KIF12: variants seen among roughly 807,000 people sequenced by gnomAD.
The protein encoded by KIF12 is kinesin family member 12, also known as kinesin-like protein KIF12.
KIF12 carries 80 observed loss-of-function variants against 87.9 expected under a neutral mutation model. That is an observed-to-expected ratio of 0.91 (90% CI 0.76 to 1.10). The LOEUF (loss-of-function observed/expected upper bound fraction) is 1.10, where lower values mean the gene tolerates loss of function less well. Ranked by LOEUF, KIF12 falls within the 50% of genes least tolerant of loss-of-function variation. The probability of loss-of-function intolerance (pLI) is 0.00; values close to 1 mark genes in which losing one functional copy is unlikely to be tolerated. For synonymous variants in KIF12, 353 were observed against 348.5 expected, an observed-to-expected ratio of 1.01 and a Z score of -0.14; for missense variants, 819 against 865.3, an observed-to-expected ratio of 0.95 and a Z score of 0.67.
rs1273147363 is a variant in KIF12 at position 114,097,442 on chromosome 9, A to G, written c.511-6T>C. 7.6e-6 allele frequency: 12 copies of G among 1,586,378 alleles called. No individual in the cohort carries two copies. Among genetic ancestry groups the G allele is most frequent in the Non-Finnish European group, 1.0e-5 (12 of 1,167,926 alleles). Reference sequence around the variant, plus strand: ...AGGCTCAGCAAGTCCCGAACCTGGGAGGGGAGGGAGGAGGGTGAGGGAAGG... The same window carrying G: ...AGGCTCAGCAAGTCCCGAACCTGGGGGGGGAGGGAGGAGGGTGAGGGAAGG... On this transcript the variant is annotated splice_polypyrimidine_tract_variant and splice_region_variant and intron_variant, in intron 6 of 18. Transcript: ENST00000640217.
At position 114,095,322 on chromosome 9, in the gene KIF12, G is replaced by C; in HGVS notation, c.906C>G (p.Ile302Met). 1 of 1,613,270 alleles carries C rather than the reference G, an allele frequency of 6.2e-7. No individual in the cohort carries two copies. Among genetic ancestry groups the C allele is most frequent in the South Asian group, 1.1e-5 (1 of 91,058 alleles). The change falls in exon 10 of 19, where the codon ATC (isoleucine) becomes ATG (methionine). Residue 302 changes from isoleucine (I) to methionine (M), a missense_variant. Coordinates refer to ENST00000640217, the MANE Select transcript of KIF12 (RefSeq NM_001388308.1). Reference sequence around the variant, plus strand: ...TCCGCTGTGGGTCCAGCAGCAGGGAGATGCAGTGACCTGGGGAGGGAGAGC... The same window carrying C: ...TCCGCTGTGGGTCCAGCAGCAGGGACATGCAGTGACCTGGGGAGGGAGAGC... ...NRSLLALGHCISLLLDPQRKQ... is the reference protein window; with the variant it reads ...NRSLLALGHCMSLLLDPQRKQ...
chr9:114,096,004 GCA>G, intron 9 of KIF12, 45 bp downstream of exon 9: 1 of 1,567,712 alleles, frequency 6.4e-7, no homozygotes, highest in South Asian at 1.2e-5. Flanking sequence ...TGTGAGCCAG[GCA>G]CAGAGGAGAG....
intron 5 of KIF12, 151 bp downstream of exon 5, chr9:114,097,964 C>T (rs1039905519): frequency 1.0e-6 from 1 of 969,340 alleles, no homozygotes. Context: ...AGTCCCTTCT[C>T]TTTGGTCCTC....
Position 114,097,723 on chromosome 9 carries a change from G to T in KIF12, c.394C>A (p.Pro132Thr), listed in dbSNP as rs1239753712. 5 of 1,613,762 alleles carry T rather than the reference G, an allele frequency of 3.1e-6. No homozygotes were observed. In the African/African-American group the frequency reaches 4.0e-5, roughly 13 times the overall value. Residue 132 changes from proline to threonine, a missense_variant, in exon 6 of 19, where the codon CCC (proline) becomes ACC (threonine). By Grantham distance (38) the Pro-to-Thr change is conservative. Transcript: ENST00000640217. ...TGCATGATGCCAGCCAGGCTGGGGG[G>T]TACAGGCACCCCCTCCCCCTAGGGG... Reference protein sequence around the residue: ...PPPQGEGVPVPPSLAGIMQRT... With the variant: ...PPPQGEGVPVTPSLAGIMQRT...
rs777874283 is a variant in KIF12 at position 114,091,642 on chromosome 9, AGCTGAT to A, written c.*213_*218del. On this transcript the variant is annotated 3_prime_UTR_variant, in exon 19 of 19. Coordinates refer to ENST00000640217, the MANE Select transcript of KIF12 (RefSeq NM_001388308.1). ...AGAGGATAGAACCAACCAGACTTGG[AGCTGAT>A]GCCTCTCTTTATTCATGTATTTCAT... 4.6e-4 allele frequency: 229 copies of A among 499,008 alleles called. No homozygotes were observed. Among genetic ancestry groups the A allele is most frequent in the Non-Finnish European group, 7.3e-4 (210 of 285,772 alleles). 30.9% of individuals were successfully genotyped at this position (499,008 alleles called of 1,614,324 possible). A position where few individuals can be genotyped will look rare whatever the true frequency, so the allele number is the denominator to read the frequency against.
chr9:114,092,489 T>C (rs1324922402), intron 17 of KIF12, 38 bp from the exon 18 acceptor site: 1 of 1,613,302 alleles, frequency 6.2e-7, no homozygotes, highest in East Asian at 2.2e-5. Flanking sequence ...AGGTGAGCCT[T>C]TGAGTTCCCC....
At chr9:114,098,840 G>C (rs1847360873) in intron 3 of KIF12, 95 bp downstream of exon 3, 4 of 1,402,694 alleles carry the variant, frequency 2.9e-6, no homozygotes, top group South Asian at 2.6e-5. Context: ...GGACCACTCC[G>C]GGGGAGCGCG....
At chr9:114,095,398 T>G (rs1310204556) in intron 9 of KIF12, 66 bp from the exon 10 acceptor site, 1 of 1,527,880 alleles carries the variant, frequency 6.5e-7, no homozygotes, top group Non-Finnish European at 8.8e-7. Flanking sequence ...GCTGGGATGC[T>G]GCAGAGTTGG....
chr9:114,093,598 G>A (rs1265701155), intron 14 of KIF12, 101 bp from the exon 15 acceptor site: 14 of 991,042 alleles, frequency 1.4e-5, no homozygotes, highest in South Asian at 1.4e-5. Context: ...CCCGTACCAG[G>A]TACCGGGCCC....
Position 114,093,280 on chromosome 9 carries a change from T to G in KIF12, c.1545A>C (p.Arg515=), listed in dbSNP as rs1847070367. The G allele has an allele frequency of 6.4e-7, 1 of 1,560,400 alleles. No homozygotes were observed. Among genetic ancestry groups the G allele is most frequent in the East Asian group, 2.4e-5 (1 of 42,104 alleles). The change falls in exon 16 of 19, where the codon CGA becomes CGC. Residue 515 remains arginine (R), a synonymous_variant. Coordinates refer to ENST00000640217, the MANE Select transcript of KIF12 (RefSeq NM_001388308.1). The part of the protein sequence containing the change: ...CPCCHICPLC[R]VPLAHWACLP... The stretch of plus-strand genomic sequence containing the variant: ...GGCAGGCCCAGTGGGCCAGGGGCAC[T>G]CGACACAGTGGGCAGATGTGGCAGC...
At chr9:114,095,876 G>A (rs1444881086) in intron 9 of KIF12, among the ~76,000 whole-genome samples, 175 bp downstream of exon 9, 4 of 152,288 alleles carry the variant, frequency 2.6e-5, no homozygotes, top group Middle Eastern at 3.4e-3. Context: ...AGTGTTTTAC[G>A]AAGGGAGAAG....
At chr9:114,097,790 C>T (rs1847299541) in intron 5 of KIF12, 49 bp from the exon 6 acceptor site, 13 of 1,576,042 alleles carry the variant, frequency 8.2e-6, no homozygotes, top group African/African-American at 1.4e-5. Flanking sequence ...GTAATAACTA[C>T]CCTCTGTAGC....
Position 114,096,377 on chromosome 9 carries a change from G to C in KIF12, c.738+10C>G, listed in dbSNP as rs781529941. 1.9e-6 allele frequency: 3 copies of C among 1,611,042 alleles called. No homozygotes were observed. In the South Asian group the frequency reaches 3.3e-5, roughly 18 times the overall value. On this transcript the variant is annotated intron_variant, in intron 8 of 18. Coordinates refer to ENST00000640217, the MANE Select transcript of KIF12 (RefSeq NM_001388308.1). Reference sequence around the variant, plus strand: ...CCCGGGTAAGCACCTTCCCAGGCTGGAGCACTCACAGTTTGACGGCTGATG... The same window carrying C: ...CCCGGGTAAGCACCTTCCCAGGCTGCAGCACTCACAGTTTGACGGCTGATG...
chr9:114,098,321 C>G lies in KIF12; in HGVS notation c.280G>C (p.Gly94Arg). The change falls in exon 4 of 19, where the codon GGG becomes CGG. Residue 94 changes from glycine (G) to arginine (R), a missense_variant. Gly to Arg is a moderately radical substitution (Grantham distance 125, BLOSUM62 -2). Transcript: ENST00000640217. ...VFRACGVRRL[G>R]ELALRGFSCT... ...ACTCACCCGCGCAGCGCCAGCTCCC[C>G]CAGGCGCCGCACGCCGCACGCCCGG... is the stretch of plus-strand genomic sequence containing the variant. 3 of 1,472,166 alleles carry G rather than the reference C, an allele frequency of 2.0e-6. No individual in the cohort carries two copies. The highest frequency in any genetic ancestry group is 2.7e-6 in the Non-Finnish European group (3 of 1,116,722). The allele number at this position is 1,472,166 out of a possible 1,614,324, so 91.2% of individuals were successfully genotyped here. A position where few individuals can be genotyped will look rare whatever the true frequency, so the allele number is the denominator to read the frequency against.
Position 114,098,968 on chromosome 9 carries a change from G to A in KIF12, c.138C>T (p.Ser46=). ...SAAELRRGQQ[S]VLHCSGTRTL... ...TCCGGGTCCCTGAGCAGTGCAGCAC[G>A]CTCTGCTGCCCTCGACGCAGCTCGG... The change falls in exon 3 of 19, where the codon AGC becomes AGT. Residue 46 remains serine, a synonymous_variant. Transcript: ENST00000640217. 1 of 1,550,152 alleles carries A rather than the reference G, an allele frequency of 6.5e-7. No individual in the cohort carries two copies. The highest frequency in any genetic ancestry group is 8.7e-7 in the Non-Finnish European group (1 of 1,146,746).
Position 114,094,351 on chromosome 9 carries a change from AC to A in KIF12, c.1222+1del. 6.2e-7 allele frequency: 1 copy of A among 1,612,860 alleles called. No individual in the cohort carries two copies. The highest frequency in any genetic ancestry group is 8.5e-7 in the Non-Finnish European group (1 of 1,179,040). On this transcript the variant is annotated splice_donor_variant, in intron 12 of 18. Coordinates refer to ENST00000640217, the MANE Select transcript of KIF12 (RefSeq NM_001388308.1). LOFTEE classifies it high-confidence loss of function. ...CCTACTCTGCCTCCAGGAAGCCCAT[AC>A]CCTTGCAGTCCATTTGGTCCAGCTG... is the stretch of plus-strand genomic sequence containing the variant.
chr9:114,093,577 T>C (rs1246902037), intron 14 of KIF12, 80 bp from the exon 15 acceptor site: 8 of 1,136,732 alleles, frequency 7.0e-6, no homozygotes, highest in Non-Finnish European at 1.0e-5. Flanking sequence ...TCCCAGCTAA[T>C]ACTCCTGGAT....
At position 114,098,431 on chromosome 9, in the gene KIF12, T is replaced by G; in HGVS notation, c.172-2A>C. On this transcript the variant is annotated splice_acceptor_variant, in intron 3 of 18. Coordinates refer to ENST00000640217, the MANE Select transcript of KIF12 (RefSeq NM_001388308.1). LOFTEE classifies it high-confidence loss of function. ...TGGACCCCCGCCTGGAGGACTCACC[T>G]GGCGCGGGTGGGGCGGAGGAGCGGG... 7.1e-7 allele frequency: 1 copy of G among 1,407,372 alleles called. No individual in the cohort carries two copies. Among genetic ancestry groups the G allele is most frequent in the Non-Finnish European group, 9.3e-7 (1 of 1,077,628 alleles). The allele number at this position is 1,407,372 out of a possible 1,614,324, so 87.2% of individuals were successfully genotyped here.
At position 114,093,389 on chromosome 9, in the gene KIF12, CT is replaced by C. The variant is rs1847076318; in HGVS notation, c.1491+17del. ...CATCCCTACTTGTCACCCCTCCAGG[CT>C]GGGCCGTGAGACTCACATGGCAAGG... On this transcript the variant is annotated intron_variant, in intron 15 of 18. Transcript: ENST00000640217. 1 of 1,558,748 alleles carries C rather than the reference CT, an allele frequency of 6.4e-7. No homozygotes were observed. The highest frequency in any genetic ancestry group is 1.9e-5 in the Admixed American group (1 of 51,528).
Sources: gnomAD v4.1 joint callset for allele counts (sites outside exome capture counted in the v4.1 genomes callset) on GRCh38, gnomAD v4.1.1 for gene constraint, MANE v1.5 for transcripts, NCBI Gene and HGNC (gene_info 2026-07-23, HGNC 2026-07-21) for gene names.